ENKUR: variants seen among roughly 807,000 people sequenced by gnomAD.
The protein encoded by ENKUR is enkurin, TRPC channel interacting protein, also known as enkurin.
A neutral mutation model predicts 27.6 loss-of-function variants in ENKUR; 19 were observed. The observed-to-expected ratio is 0.69, with a 90% CI of 0.48 to 1.01. The LOEUF (loss-of-function observed/expected upper bound fraction) is 1.01, where lower values mean the gene tolerates loss of function less well. Ranked by LOEUF, ENKUR falls within the 50% of genes least tolerant of loss-of-function variation. The pLI, the probability that ENKUR is intolerant of heterozygous loss-of-function variation, is 0.00. For synonymous variants in ENKUR, 117 were observed against 96.9 expected, an observed-to-expected ratio of 1.21 and a Z score of -1.22; for missense variants, 312 against 310.5, an observed-to-expected ratio of 1.00 and a Z score of -0.04.
intron 2 of ENKUR, among the ~76,000 whole-genome samples, chr10:25,033,401 CAAAAAAAAAAAAA>C (rs34472195): frequency 1.7e-5 from 1 of 59,994 alleles, no homozygotes; most frequent in African/African-American, 7.3e-5. Flanking sequence ...AAGACCTCGT[CAAAAAAAAAAAAA>C]AAAAAAAAAA....
chr10:25,002,177 G>A (rs752460514), intron 1 of ENKUR, among the ~76,000 whole-genome samples: 21 of 152,294 alleles, frequency 1.4e-4, no homozygotes, highest in Middle Eastern at 3.4e-3. Flanking sequence ...GTATTAGGAG[G>A]TGTCTCCACC....
At chr10:25,013,957 TAA>T (rs34467911) in intron 1 of ENKUR, among the ~76,000 whole-genome samples, 2 of 148,940 alleles carry the variant, frequency 1.3e-5, no homozygotes, top group Admixed American at 6.7e-5. Context: ...AAAAAGTAAT[TAA>T]AAAAAAAAGG....
rs776225144 is a variant in ENKUR, at chr10:25,023,494, C to T, written c.38-27625G>A. On this transcript the variant is annotated intron_variant, in intron 2 of 5. Coordinates refer to the ENKUR transcript ENST00000615958. ...TGTCATAGATGTGGATGATGATATC[C>T]TTGAAAAAACCTGGAATATGAGTGT... The T allele has an allele frequency of 1.9e-6, 3 of 1,613,884 alleles. No individual in the cohort carries two copies. Among genetic ancestry groups the T allele is most frequent in the Admixed American group, 1.7e-5 (1 of 59,986 alleles).
At chr10:25,034,564 T>A (rs1319961603) in intron 2 of ENKUR, among the ~76,000 whole-genome samples, 1 of 152,194 alleles carries the variant, frequency 6.6e-6, no homozygotes, top group Non-Finnish European at 1.5e-5. Flanking sequence ...GCCCTCGATA[T>A]TACCTTTTTT....
rs1850559042 is a variant in ENKUR, at chr10:25,015,929, G to A, written c.8C>T (p.Pro3Leu). The A allele has an allele frequency of 3.1e-6, 5 of 1,607,014 alleles. No individual in the cohort carries two copies. Among genetic ancestry groups the A allele is most frequent in the Non-Finnish European group, 4.2e-6 (5 of 1,176,488 alleles). Residue 3 changes from proline to leucine, a missense_variant, in exon 1 of 6, where the codon CCA becomes CTA. By Grantham distance (98) the Pro-to-Leu change is moderately conservative (BLOSUM62 -3). Transcript: ENST00000331161. Reference sequence around the variant, plus strand: ...ATAAATGCACTCAGAAGAGCACGTTGGATCCATGGCCACCAAATGACTCCT... The same window carrying A: ...ATAAATGCACTCAGAAGAGCACGTTAGATCCATGGCCACCAAATGACTCCT... MD[P>L]TCSSECIYNL... is the part of the protein sequence containing the mutation.
In ENKUR at chr10:25,004,719, A is replaced by G. The variant is rs542932466; in HGVS notation, c.78-5173T>C. Among the ~76,000 whole-genome samples the G allele has an allele frequency of 2.0e-5, 3 of 151,930 alleles. No homozygotes were observed. In the South Asian group the frequency reaches 6.2e-4, roughly 32 times the overall value. ...TTTTCTCCCATTCTGTAGGTTGTTT[A>G]CTCTGTTGATGGTTTCTTTTCCTGT... On this transcript the variant is annotated intron_variant, in intron 1 of 5. Coordinates refer to ENST00000331161, the MANE Select transcript of ENKUR (RefSeq NM_145010.4).
At chr10:25,001,645 C>T (rs1264941692) in intron 1 of ENKUR, among the ~76,000 whole-genome samples, 1 of 152,136 alleles carries the variant, frequency 6.6e-6, no homozygotes, top group South Asian at 2.1e-4. Flanking sequence ...GTCTTAGCTG[C>T]GTTAATCCAA....
chr10:25,012,998 G>A (rs547291903), intron 1 of ENKUR, among the ~76,000 whole-genome samples: 41 of 152,134 alleles, frequency 2.7e-4, no homozygotes, highest in Non-Finnish European at 3.4e-4. Flanking sequence ...ATGGGAGTGG[G>A]TCTTTCCTGT....
intron 3 of ENKUR, among the ~76,000 whole-genome samples, chr10:24,991,579 G>C (rs2132677201): frequency 6.6e-6 from 1 of 152,296 alleles, no homozygotes; most frequent in East Asian, 1.9e-4. Flanking sequence ...AGTTTGGCCG[G>C]GGTGGTGGGA....
intron 3 of ENKUR, 48 bp from the exon 4 acceptor site, chr10:24,990,657 T>G (rs1054622065): frequency 6.5e-7 from 1 of 1,540,126 alleles, no homozygotes; most frequent in African/African-American, 1.4e-5. Flanking sequence ...GTATGCAATC[T>G]TACATATGGG....
At chr10:25,029,080 A>G (rs1380439043) in intron 2 of ENKUR, among the ~76,000 whole-genome samples, 3 of 152,174 alleles carry the variant, frequency 2.0e-5, no homozygotes, top group East Asian at 3.9e-4. Flanking sequence ...CCACTACTGG[A>G]CATTTGTCTA....
At chr10:24,994,794 G>A (rs1281445526) in intron 3 of ENKUR, among the ~76,000 whole-genome samples, 1 of 152,046 alleles carries the variant, frequency 6.6e-6, no homozygotes. Flanking sequence ...GGCTGAGGTG[G>A]GTGGATCACT....
At chr10:25,011,289 G>T (rs573848017) in intron 1 of ENKUR, among the ~76,000 whole-genome samples, 194 of 152,248 alleles carry the variant, frequency 1.3e-3, no homozygotes, top group African/African-American at 4.5e-3. Flanking sequence ...TTTTGATGGG[G>T]TTGTTTGTTT....
At chr10:25,045,835 C>A (rs540174860) in intron 2 of ENKUR, among the ~76,000 whole-genome samples, 1 of 152,220 alleles carries the variant, frequency 6.6e-6, no homozygotes, top group Admixed American at 6.5e-5. Context: ...AGGGCAGAAC[C>A]AGTTGTCCTA....
At chr10:25,025,703 A>C in intron 2 of ENKUR, 1 of 447,000 alleles carries the variant, frequency 2.2e-6, no homozygotes. Context: ...CCTTCTGCTC[A>C]TGAGGGGTGT....
chr10:25,044,798 G>A (rs1851104614), intron 2 of ENKUR, among the ~76,000 whole-genome samples: 1 of 152,184 alleles, frequency 6.6e-6, no homozygotes, highest in African/African-American at 2.4e-5. Context: ...TTTCCCTTGA[G>A]TATCCTTGGA....
chr10:25,029,947 G>A lies in ENKUR; in HGVS notation c.37+31165C>T, dbSNP rs575038936. On this transcript the variant is annotated intron_variant, in intron 2 of 5. Coordinates refer to the ENKUR transcript ENST00000615958. ...GTAGAAGGATGCTGTAGTCACATTA[G>A]CTGCTTTTCTTTTTAAAATCAGAAC... 2.0e-5 allele frequency among the ~76,000 whole-genome samples: 3 copies of A among 152,198 alleles called. No individual in the cohort carries two copies. The South Asian group carries it at 6.2e-4, about 32-fold the overall frequency.
chr10:25,009,223 T>G (rs1850384061), intron 1 of ENKUR, among the ~76,000 whole-genome samples: 1 of 152,034 alleles, frequency 6.6e-6, no homozygotes, highest in East Asian at 1.9e-4. Flanking sequence ...ACCTGCACAT[T>G]GTGCATATGT....
rs867533680 is a variant in ENKUR, at chr10:24,988,718, A to G, written c.594+1745T>C. Among the ~76,000 whole-genome samples, 56 of 47,688 alleles carry G rather than the reference A, an allele frequency of 1.2e-3. 1 individual carries two copies. The highest frequency in any genetic ancestry group is 5.1e-3 in the African/African-American group (50 of 9,900). 31.3% of individuals were successfully genotyped at this position (47,688 alleles called of 152,430 possible). ...TATATATATATATATATATATATAT[A>G]TATATATATTCCTCATTTTAAAAAT... is the stretch of plus-strand genomic sequence containing the variant. On this transcript the variant is annotated intron_variant, in intron 4 of 5. Coordinates refer to ENST00000331161, the MANE Select transcript of ENKUR (RefSeq NM_145010.4).
Sources: allele counts gnomAD v4.1 joint callset (sites outside exome capture counted in the v4.1 genomes callset), GRCh38; gene constraint gnomAD v4.1.1; transcripts MANE v1.5; gene names NCBI Gene and HGNC (gene_info 2026-07-23, HGNC 2026-07-21).